Variants in GLIS3 observed in about 807,000 individuals in gnomAD.
The protein encoded by GLIS3 is zinc finger protein GLIS3.
In GLIS3, 53 loss-of-function variants were observed where a neutral mutation model predicts 78.6. The observed-to-expected ratio is 0.67, with a 90% CI of 0.54 to 0.85. The LOEUF (loss-of-function observed/expected upper bound fraction) is 0.85, where lower values mean the gene tolerates loss of function less well. Ranked by LOEUF, GLIS3 falls within the 40% of genes least tolerant of loss-of-function variation. GLIS3 has a pLI of 0.00. For synonymous variants in GLIS3, 684 were observed against 509.9 expected (o/e 1.34, Z -4.60); for missense variants, 1,703 against 1,231.1 (o/e 1.38, Z -5.74).
chr9:4,361,112 T>G, the GLIS3 span, among the ~76,000 whole-genome samples: 1 of 152,236 alleles, frequency 6.6e-6, no homozygotes, highest in African/African-American at 2.4e-5. Flanking sequence ...GTCCCTACTT[T>G]AGGGCCGATG....
At chr9:3,874,499 G>C (rs1235848740) in intron 8 of GLIS3, among the ~76,000 whole-genome samples, 1 of 152,226 alleles carries the variant, frequency 6.6e-6, no homozygotes, top group Non-Finnish European at 1.5e-5. Context: ...TAGAACCGGA[G>C]GAGGGGGCTG....
chr9:3,855,641 T>C, intron 9 of GLIS3: 1 of 335,678 alleles, frequency 3.0e-6, no homozygotes, highest in Non-Finnish European at 5.8e-6. Flanking sequence ...CCTATGAGAA[T>C]GAGAGCAAAA....
chr9:4,473,457 C>CAAAAAAAAAAAAA, the GLIS3 span, among the ~76,000 whole-genome samples: 1 of 60,606 alleles, frequency 1.7e-5, no homozygotes, highest in African/African-American at 4.3e-5. Flanking sequence ...ACAACAACAA[C>CAAAAAAAAAAAAA]AACAAAAAAA....
chr9:4,066,310 C>A (rs1258890143), intron 4 of GLIS3, among the ~76,000 whole-genome samples: 1 of 152,160 alleles, frequency 6.6e-6, no homozygotes, highest in Non-Finnish European at 1.5e-5. Flanking sequence ...TTTCCAGAAG[C>A]ATCCAGGCAG....
intron 4 of GLIS3, among the ~76,000 whole-genome samples, chr9:4,011,332 T>C (rs1458616035): frequency 1.3e-5 from 2 of 152,138 alleles, no homozygotes; most frequent in Non-Finnish European, 2.9e-5. Flanking sequence ...AGAGTCTCTG[T>C]CCTCAAGGAG....
chr9:4,232,033 T>C lies in GLIS3; in HGVS notation c.388+54005A>G, dbSNP rs553578835. 2.2e-4 allele frequency among the ~76,000 whole-genome samples: 34 copies of C among 152,268 alleles called. No individual in the cohort carries two copies. In the South Asian group the frequency reaches 5.8e-3, roughly 26 times the overall value. Reference sequence around the variant, plus strand: ...CTCAACATTTAGCTTTGTATAGGATTTGTATAATTTTAACTTGCTGTTTTA... The same window carrying C: ...CTCAACATTTAGCTTTGTATAGGATCTGTATAATTTTAACTTGCTGTTTTA... On this transcript the variant is annotated intron_variant, in intron 2 of 10. Coordinates refer to ENST00000381971, the MANE Select transcript of GLIS3 (RefSeq NM_001042413.2).
intron 4 of GLIS3, among the ~76,000 whole-genome samples, chr9:4,068,558 C>T (rs1011927417): frequency 9.9e-5 from 15 of 152,026 alleles, no homozygotes; most frequent in African/African-American, 3.4e-4. Context: ...TTTACAATGA[C>T]CAAGTATAAC....
At chr9:3,920,614 T>TG (rs1554647083) in intron 6 of GLIS3, among the ~76,000 whole-genome samples, 1 of 151,178 alleles carries the variant, frequency 6.6e-6, no homozygotes, top group Non-Finnish European at 1.5e-5. Flanking sequence ...AACAGGTTTT[T>TG]TTTTTTTTTT....
chr9:4,400,085 C>G, the GLIS3 span, among the ~76,000 whole-genome samples: 1 of 152,140 alleles, frequency 6.6e-6, no homozygotes, highest in African/African-American at 2.4e-5. Flanking sequence ...CGAGTTTGCT[C>G]CTAATCCCAA....
At chr9:3,938,242 C>T (rs1276911952) in intron 4 of GLIS3, among the ~76,000 whole-genome samples, 1 of 152,128 alleles carries the variant, frequency 6.6e-6, no homozygotes. Flanking sequence ...AAATACGGAA[C>T]ACCTACTGGA....
intron 4 of GLIS3, among the ~76,000 whole-genome samples, chr9:4,080,797 G>C (rs1346500558): frequency 6.6e-6 from 1 of 152,170 alleles, no homozygotes; most frequent in South Asian, 2.1e-4. Flanking sequence ...AAGATAAAGT[G>C]AGGGGGCAGA....
chr9:4,040,305 A>C (rs976089660), intron 4 of GLIS3, among the ~76,000 whole-genome samples: 1 of 152,126 alleles, frequency 6.6e-6, no homozygotes, highest in African/African-American at 2.4e-5. Context: ...CAAAAAACAA[A>C]AAACCTGCTA....
intron 4 of GLIS3, among the ~76,000 whole-genome samples, chr9:3,986,422 C>A (rs942553527): frequency 1.3e-5 from 2 of 152,224 alleles, no homozygotes; most frequent in Non-Finnish European, 2.9e-5. Flanking sequence ...ACCACCCCCA[C>A]TGTGATCTCT....
intron 6 of GLIS3, among the ~76,000 whole-genome samples, chr9:3,931,768 A>G (rs1218163952): frequency 1.3e-5 from 2 of 152,156 alleles, no homozygotes; most frequent in African/African-American, 4.8e-5. Flanking sequence ...ATTTTTATGA[A>G]CTTTGAAAAT....
chr9:3,831,803 A>G (rs55902520), intron 9 of GLIS3, among the ~76,000 whole-genome samples: 11,630 of 152,298 alleles, frequency 0.076, 526 homozygotes, highest in Non-Finnish European at 0.1. Flanking sequence ...CAATATTTAT[A>G]ATAAGCTTTT....
At chr9:4,483,256 G>A in the GLIS3 span, among the ~76,000 whole-genome samples, 1 of 152,194 alleles carries the variant, frequency 6.6e-6, no homozygotes, top group African/African-American at 2.4e-5. Context: ...GGATTCAGGA[G>A]TTCAACCACT....
At chr9:4,062,726 G>A (rs777944444) in intron 4 of GLIS3, among the ~76,000 whole-genome samples, 6 of 152,152 alleles carry the variant, frequency 3.9e-5, no homozygotes, top group Non-Finnish European at 7.4e-5. Flanking sequence ...AGGAGATTGA[G>A]ACCATCCTGG....
At chr9:4,419,699 G>C in the GLIS3 span, among the ~76,000 whole-genome samples, 1 of 152,110 alleles carries the variant, frequency 6.6e-6, no homozygotes, top group African/African-American at 2.4e-5. Context: ...AGAATCGCTT[G>C]AACCCAGGAG....
chr9:4,013,104 A>T (rs1294917882), intron 4 of GLIS3, among the ~76,000 whole-genome samples: 1 of 152,176 alleles, frequency 6.6e-6, no homozygotes, highest in East Asian at 1.9e-4. Context: ...TCCTTTGGGC[A>T]TCTTCAGCTC....
Sources: gnomAD v4.1 joint callset for allele counts (sites outside exome capture counted in the v4.1 genomes callset) on GRCh38, gnomAD v4.1.1 for gene constraint, MANE v1.5 for transcripts, NCBI Gene and HGNC (gene_info 2026-07-23, HGNC 2026-07-21) for gene names.